MFN2: variants seen among roughly 807,000 people sequenced by gnomAD.
MFN2 encodes the protein mitofusin-2.
Under a neutral mutation model 87.5 loss-of-function variants are expected in MFN2, and 43 were observed. That is an observed-to-expected ratio of 0.49 (90% CI 0.38 to 0.63). The LOEUF (loss-of-function observed/expected upper bound fraction) is 0.63, where lower values mean the gene tolerates loss of function less well. Ranked by LOEUF, MFN2 falls within the 30% of genes least tolerant of loss-of-function variation. The pLI is 0.00. For synonymous variants in MFN2, 337 were observed against 359.9 expected (o/e 0.94, Z 0.72); for missense variants, 743 against 972.8 (o/e 0.76, Z 3.14).
chr1:12,011,143 G>A (rs1639677348), intron 18 of MFN2, among the ~76,000 whole-genome samples: 1 of 152,222 alleles, frequency 6.6e-6, no homozygotes, highest in Admixed American at 6.5e-5. Flanking sequence ...CAGTGACACA[G>A]CTGAACCTGG....
intron 2 of MFN2, among the ~76,000 whole-genome samples, chr1:11,983,059 G>T (rs1646014269): frequency 6.6e-6 from 1 of 151,968 alleles, no homozygotes; most frequent in Admixed American, 6.6e-5. Flanking sequence ...TTGTTTGTTT[G>T]TTTTTTGTTT....
At chr1:11,993,288 T>C (rs1199699166) in intron 4 of MFN2, among the ~76,000 whole-genome samples, 1 of 152,132 alleles carries the variant, frequency 6.6e-6, no homozygotes, top group Non-Finnish European at 1.5e-5. Flanking sequence ...ATGAATTTAA[T>C]ACACGTGTTC....
Position 11,992,216 on chromosome 1 carries a change from C to T in MFN2, c.176-339C>T, listed in dbSNP as rs146562938. On this transcript the variant is annotated intron_variant, in intron 3 of 18. Coordinates refer to ENST00000235329, the MANE Select transcript of MFN2 (RefSeq NM_014874.4). The stretch of plus-strand genomic sequence containing the variant: ...CATTCACAGCATTTGTGTTTCAATT[C>T]GTTTGATCCTCACGATGTTCTCATG... The T allele has an allele frequency of 4.7e-4, 142 of 304,952 alleles. No individual in the cohort carries two copies. The East Asian group carries it at 6.6e-3, about 14-fold the overall frequency. 18.9% of individuals were successfully genotyped at this position (304,952 alleles called of 1,614,324 possible).
intron 8 of MFN2, among the ~76,000 whole-genome samples, chr1:12,001,050 C>T (rs557918973): frequency 2.6e-5 from 4 of 152,140 alleles, no homozygotes; most frequent in South Asian, 2.1e-4. Flanking sequence ...CTCACTCTGT[C>T]GCCCAGGCTG....
chr1:12,011,657 C>A lies in MFN2; in HGVS notation c.*92C>A, dbSNP rs1348221336. On this transcript the variant is annotated 3_prime_UTR_variant, in exon 19 of 19. Transcript: ENST00000235329. ...CCCCCAGGGGCACGTGTGGCTCCTG[C>A]CCCCTGGCCACTGCCAAGAGAATGA... 2 of 1,345,680 alleles carry A rather than the reference C, an allele frequency of 1.5e-6. No homozygotes were observed. Among genetic ancestry groups the A allele is most frequent in the Non-Finnish European group, 1.1e-6 (1 of 942,686 alleles). 83.4% of individuals were successfully genotyped at this position (1,345,680 alleles called of 1,614,324 possible).
chr1:12,000,013 C>T (rs888057380), intron 8 of MFN2, among the ~76,000 whole-genome samples: 1 of 151,546 alleles, frequency 6.6e-6, no homozygotes, highest in Non-Finnish European at 1.5e-5. Context: ...AGGAGAACGG[C>T]GTGAACCCGG....
At position 11,985,967 on chromosome 1, in the gene MFN2, T is replaced by C. The variant is rs937228237; in HGVS notation, c.-4-3198T>C. Among the ~76,000 whole-genome samples the C allele has an allele frequency of 7.2e-5, 11 of 152,350 alleles. No homozygotes were observed. The East Asian group carries it at 9.6e-4, about 13-fold the overall frequency. ...GTACTGTCTTTAAGCCCTGGACATA[T>C]GGCTTCCATGCTGAGAAAACATCTC... On this transcript the variant is annotated intron_variant, in intron 2 of 18. Coordinates refer to ENST00000235329, the MANE Select transcript of MFN2 (RefSeq NM_014874.4).
At chr1:12,002,250 GTTAGAA>G in intron 11 of MFN2, 147 bp downstream of exon 11, 1 of 1,364,266 alleles carries the variant, frequency 7.3e-7, no homozygotes, top group South Asian at 1.2e-5. Flanking sequence ...ACCAGACCAT[GTTAGAA>G]CCACATAGAC....
chr1:11,987,631 GA>G (rs1178594729), intron 2 of MFN2, among the ~76,000 whole-genome samples: 65 of 137,340 alleles, frequency 4.7e-4, no homozygotes, highest in East Asian at 6.5e-4. Flanking sequence ...CTCTGTCTCA[GA>G]AAAAAAAAAA....
At chr1:11,996,440 C>A in intron 5 of MFN2, 122 bp downstream of exon 5, 1 of 1,191,002 alleles carries the variant, frequency 8.4e-7, no homozygotes, top group South Asian at 1.3e-5. Context: ...GAATGGGAGA[C>A]CCTATTTTAG....
rs556312763 is a variant in MFN2 at position 11,997,444 on chromosome 1, G to A, written c.599+23G>A. Reference sequence around the variant, plus strand: ...CAGGTAAGAGGGAGGTGCCCTCCTAGGAGGTCCAAACTGGAAGGCACCAGG... The same window carrying A: ...CAGGTAAGAGGGAGGTGCCCTCCTAAGAGGTCCAAACTGGAAGGCACCAGG... On this transcript the variant is annotated intron_variant, in intron 6 of 18. Coordinates refer to ENST00000235329, the MANE Select transcript of MFN2 (RefSeq NM_014874.4). The A allele has an allele frequency of 1.1e-4, 179 of 1,613,184 alleles. 3 individuals carry two copies. In the South Asian group the frequency reaches 1.9e-3, roughly 17 times the overall value.
At chr1:11,998,176 C>T (rs1408709729) in intron 6 of MFN2, among the ~76,000 whole-genome samples, 1 of 151,758 alleles carries the variant, frequency 6.6e-6, no homozygotes, top group Non-Finnish European at 1.5e-5. Flanking sequence ...GCCACTGTGC[C>T]CCGCCTGGTA....
At chr1:12,008,631 C>T (rs1456581080) in intron 17 of MFN2, among the ~76,000 whole-genome samples, 1 of 151,136 alleles carries the variant, frequency 6.6e-6, no homozygotes, top group Admixed American at 6.6e-5. Context: ...GGCAGAGGCG[C>T]TCCTCACATC....
intron 4 of MFN2, among the ~76,000 whole-genome samples, chr1:11,993,864 T>C (rs1314115981): frequency 6.6e-6 from 1 of 152,186 alleles, no homozygotes; most frequent in Admixed American, 6.5e-5. Flanking sequence ...TTAGGTTGCC[T>C]GAAACATTTT....
At chr1:12,000,297 A>G (rs142410035) in intron 8 of MFN2, among the ~76,000 whole-genome samples, 4,257 of 151,752 alleles carry the variant, frequency 0.028, 197 homozygotes, top group African/African-American at 0.096. Context: ...GGTTCAAGCA[A>G]TTCTGCCTCA....
At chr1:12,011,356 CTG>C in intron 18 of MFN2, 138 bp from the exon 19 acceptor site, 2 of 897,004 alleles carry the variant, frequency 2.2e-6, no homozygotes, top group Non-Finnish European at 3.6e-6. Flanking sequence ...TTTTCCCCAT[CTG>C]TGAGACAGGG....
At chr1:11,990,222 G>T (rs965741037) in intron 3 of MFN2, among the ~76,000 whole-genome samples, 1 of 152,204 alleles carries the variant, frequency 6.6e-6, no homozygotes, top group Admixed American at 6.5e-5. Context: ...ATGCCAGGCT[G>T]CTACACGAGG....
At chr1:12,005,604 G>A in intron 14 of MFN2, 107 bp from the exon 15 acceptor site, 1 of 1,198,364 alleles carries the variant, frequency 8.3e-7, no homozygotes, top group Non-Finnish European at 1.2e-6. Context: ...AGGCAAAGCT[G>A]TTCAGCATCC....
In MFN2 at chr1:12,004,547, T is replaced by C. The variant is rs1478261134; in HGVS notation, c.1326T>C (p.Ser442=). The C allele has an allele frequency of 3.1e-6, 5 of 1,614,202 alleles. No individual in the cohort carries two copies. Among genetic ancestry groups the C allele is most frequent in the Non-Finnish European group, 4.2e-6 (5 of 1,180,020 alleles). ...TAMAEEIRRL[S]VLVDDYQMDF... ...TGGCCGAGGAGATCAGGCGCCTCTCTGTACTGGTGGACGATTACCAGATGG... is the reference window on the plus strand; with the variant it reads ...TGGCCGAGGAGATCAGGCGCCTCTCCGTACTGGTGGACGATTACCAGATGG... The change falls in exon 13 of 19, where the codon TCT becomes TCC. Residue 442 remains serine, a synonymous_variant. Transcript: ENST00000235329. This position sits in a 1 kb window ranked among gnomAD's most constrained non-coding sequence, Gnocchi z 4.2.
Sources: gnomAD v4.1 joint callset for allele counts (sites outside exome capture counted in the v4.1 genomes callset) on GRCh38, gnomAD v4.1.1 for gene constraint, Gnocchi (gnomAD v3.1) non-coding constraint, MANE v1.5 for transcripts, NCBI Gene and HGNC (gene_info 2026-07-23, HGNC 2026-07-21) for gene names.